SIL1: variants seen among roughly 807,000 people sequenced by gnomAD.
SIL1 encodes nucleotide exchange factor SIL1.
SIL1 carries 40 observed loss-of-function variants against 49.1 expected under a neutral mutation model. The ratio of observed to expected loss-of-function variants is 0.81; its 90% CI spans 0.63 to 1.06. SIL1 has a LOEUF of 1.06. SIL1 is among the 50% of genes least tolerant of loss of function. The pLI, the probability that SIL1 is intolerant of heterozygous loss-of-function variation, is 0.00. For synonymous variants in SIL1, 253 were observed against 250.8 expected (o/e 1.01, Z -0.08); for missense variants, 500 against 572.6 (o/e 0.87, Z 1.29).
intron 1 of SIL1, among the ~76,000 whole-genome samples, chr5:139,185,372 TA>T (rs1752060299): frequency 6.6e-6 from 1 of 152,234 alleles, no homozygotes; most frequent in African/African-American, 2.4e-5. Flanking sequence ...TAAAGGAATG[TA>T]TAGCTCACAT....
intron 7 of SIL1, among the ~76,000 whole-genome samples, chr5:138,959,637 T>C (rs1766975298): frequency 6.6e-6 from 1 of 152,250 alleles, no homozygotes; most frequent in Non-Finnish European, 1.5e-5. Flanking sequence ...CACGGGATTC[T>C]GCAGTCATTC....
intron 1 of SIL1, among the ~76,000 whole-genome samples, chr5:139,176,203 A>G (rs1751879860): frequency 6.6e-6 from 1 of 152,082 alleles, no homozygotes; most frequent in Non-Finnish European, 1.5e-5. Flanking sequence ...TTCAGTTTCC[A>G]ATAACATGTT....
intron 1 of SIL1, among the ~76,000 whole-genome samples, chr5:139,160,510 T>C (rs1213543114): frequency 6.6e-6 from 1 of 152,192 alleles, no homozygotes; most frequent in Non-Finnish European, 1.5e-5. Context: ...TTCAAATCCC[T>C]GTCTTGCTGG....
chr5:139,056,218 G>C (rs1769418227), intron 3 of SIL1, among the ~76,000 whole-genome samples: 1 of 151,086 alleles, frequency 6.6e-6, no homozygotes, highest in Non-Finnish European at 1.5e-5. Flanking sequence ...TCCCATCTAG[G>C]AAGTGAGGAG....
At chr5:139,066,077 G>T (rs146151515) in intron 3 of SIL1, among the ~76,000 whole-genome samples, 113 of 152,248 alleles carry the variant, frequency 7.4e-4, no homozygotes, top group Admixed American at 2.4e-3. Context: ...AAAGATAAAT[G>T]TTCCCTCCTT....
chr5:139,032,012 T>C (rs531138378), intron 5 of SIL1, among the ~76,000 whole-genome samples: 3 of 152,210 alleles, frequency 2.0e-5, no homozygotes, highest in Non-Finnish European at 4.4e-5. Context: ...AGACTTTTTT[T>C]TGGAGGCTCT....
At chr5:139,116,027 C>T (rs1770980172) in intron 3 of SIL1, among the ~76,000 whole-genome samples, 1 of 152,182 alleles carries the variant, frequency 6.6e-6, no homozygotes, top group South Asian at 2.1e-4. Context: ...AACCACGCCG[C>T]CCCTCCAAAG....
At chr5:139,124,031 T>C (rs1391759640) in intron 2 of SIL1, among the ~76,000 whole-genome samples, 1 of 152,158 alleles carries the variant, frequency 6.6e-6, no homozygotes, top group Non-Finnish European at 1.5e-5. Context: ...ATTACAGGCA[T>C]GAGCCACCAC....
At chr5:138,963,941 G>A (rs12108892) in intron 7 of SIL1, among the ~76,000 whole-genome samples, 62,192 of 151,966 alleles carry the variant, frequency 0.41, 13,617 homozygotes, top group African/African-American at 0.59. Flanking sequence ...AGCTAGGCGC[G>A]GGGTTCACCA....
intron 7 of SIL1, among the ~76,000 whole-genome samples, chr5:138,994,638 C>A (rs1264660738): frequency 6.6e-6 from 1 of 152,002 alleles, no homozygotes; most frequent in African/African-American, 2.4e-5. Context: ...CAAAAATATC[C>A]AAGGCAATTT....
At position 139,050,926 on chromosome 5, in the gene SIL1, T is replaced by C. The variant is rs755370414; in HGVS notation, c.353+12A>G. ...TCACTTAGCCTCCCAGTCCCTAGGG[T>C]TGACACTGTACCTTTTGCCTTTCAA... On this transcript the variant is annotated intron_variant, in intron 4 of 9. Transcript: ENST00000394817. 3 of 1,609,146 alleles carry C rather than the reference T, an allele frequency of 1.9e-6. No homozygotes were observed. The highest frequency in any genetic ancestry group is 1.3e-5 in the African/African-American group (1 of 74,946).
At chr5:139,080,033 C>A (rs1398136710) in intron 3 of SIL1, among the ~76,000 whole-genome samples, 1 of 152,034 alleles carries the variant, frequency 6.6e-6, no homozygotes, top group Admixed American at 6.6e-5. Context: ...AAAATAATTT[C>A]TTACATAACT....
intron 1 of SIL1, among the ~76,000 whole-genome samples, chr5:139,193,275 TGG>T (rs1423484973): frequency 1.3e-5 from 2 of 151,990 alleles, no homozygotes. Flanking sequence ...AAAATTCCAT[TGG>T]GGGTAGCTGG....
chr5:138,956,498 C>T (rs1766905398), intron 7 of SIL1, among the ~76,000 whole-genome samples: 1 of 152,214 alleles, frequency 6.6e-6, no homozygotes, highest in South Asian at 2.1e-4. Flanking sequence ...AATCCCAGCA[C>T]TTTGGGAGGC....
At chr5:139,058,002 G>A (rs1769494463) in intron 3 of SIL1, among the ~76,000 whole-genome samples, 1 of 151,928 alleles carries the variant, frequency 6.6e-6, no homozygotes. Flanking sequence ...TATCATACTG[G>A]GTATCAGGGG....
At chr5:138,949,884 C>T (rs933584636) in intron 9 of SIL1, among the ~76,000 whole-genome samples, 1 of 151,982 alleles carries the variant, frequency 6.6e-6, no homozygotes, top group Non-Finnish European at 1.5e-5. Flanking sequence ...ACTGCCTCAG[C>T]CCAAGTACAG....
At chr5:138,955,931 AAGGCAGAGCTCT>A (rs1324821688) in intron 7 of SIL1, among the ~76,000 whole-genome samples, 1 of 152,174 alleles carries the variant, frequency 6.6e-6, no homozygotes, top group Non-Finnish European at 1.5e-5. Context: ...ACAACTGGAA[AAGGCAGAGCTCT>A]AGGATGGGAA....
intron 7 of SIL1, among the ~76,000 whole-genome samples, chr5:138,954,146 GT>G (rs1443541888): frequency 6.6e-6 from 1 of 152,196 alleles, no homozygotes; most frequent in African/African-American, 2.4e-5. Flanking sequence ...CACCCACTCT[GT>G]CCCCCTCAGG....
At chr5:139,023,759 C>A (rs1198789097) in intron 6 of SIL1, among the ~76,000 whole-genome samples, 5 of 152,316 alleles carry the variant, frequency 3.3e-5, no homozygotes, top group Non-Finnish European at 5.9e-5. Flanking sequence ...TACTACATCA[C>A]CCCAAGCCCC....
Sources: allele counts gnomAD v4.1 joint callset (sites outside exome capture counted in the v4.1 genomes callset), GRCh38; gene constraint gnomAD v4.1.1; transcripts MANE v1.5; gene names NCBI Gene and HGNC (gene_info 2026-07-23, HGNC 2026-07-21).